TMEM217B: variants seen among roughly 807,000 people sequenced by gnomAD.
TMEM217B encodes transmembrane protein 217B.
chr6:37,226,281 C>CTT, the TMEM217B span, among the ~76,000 whole-genome samples: 258 of 74,890 alleles, frequency 3.4e-3, 63 homozygotes, highest in African/African-American at 7.7e-3. Flanking sequence ...TTGAGACAGT[C>CTT]TTTTTTTTTT....
chr6:37,224,554 C>T, the TMEM217B span, among the ~76,000 whole-genome samples: 3 of 151,632 alleles, frequency 2.0e-5, no homozygotes, highest in African/African-American at 4.8e-5. Flanking sequence ...GCCAAGATCA[C>T]ACCACTGCAC....
the TMEM217B span, among the ~76,000 whole-genome samples, chr6:37,250,400 C>T: frequency 8.5e-5 from 13 of 152,236 alleles, no homozygotes; most frequent in Admixed American, 8.5e-4. Flanking sequence ...TTTATACATT[C>T]TCTTGTGTGT....
the TMEM217B span, among the ~76,000 whole-genome samples, chr6:37,252,635 A>T: frequency 4.9e-3 from 298 of 60,300 alleles, 2 homozygotes; most frequent in African/African-American, 0.017. Flanking sequence ...ATATATATAT[A>T]TATTTTTTTT....
the TMEM217B span, among the ~76,000 whole-genome samples, chr6:37,226,262 TTTG>T: frequency 1.3e-5 from 2 of 151,060 alleles, no homozygotes; most frequent in Admixed American, 1.3e-4. Flanking sequence ...TTTGTTTTAT[TTTG>T]TTTTTTTGAG....
At chr6:37,237,289 T>C in the TMEM217B span, among the ~76,000 whole-genome samples, 11 of 152,140 alleles carry the variant, frequency 7.2e-5, no homozygotes, top group African/African-American at 2.7e-4. Context: ...GACAAGAAAA[T>C]ATTCACAAGT....
the TMEM217B span, among the ~76,000 whole-genome samples, chr6:37,225,239 A>G: frequency 6.6e-6 from 1 of 152,142 alleles, no homozygotes; most frequent in Non-Finnish European, 1.5e-5. Flanking sequence ...AGAGGATAAT[A>G]GATACAATAT....
the TMEM217B span, among the ~76,000 whole-genome samples, chr6:37,229,718 T>C: frequency 1.8e-4 from 27 of 152,366 alleles, no homozygotes; most frequent in Admixed American, 3.3e-4. Context: ...TACAGCCATC[T>C]ATAGATTTAA....
At chr6:37,214,710 C>T in the TMEM217B span, among the ~76,000 whole-genome samples, 5 of 152,222 alleles carry the variant, frequency 3.3e-5, no homozygotes, top group Non-Finnish European at 7.3e-5. Context: ...TGGCTTACTT[C>T]ACTTAGCATA....
the TMEM217B span, among the ~76,000 whole-genome samples, chr6:37,214,638 T>C: frequency 0.57 from 85,931 of 152,088 alleles, 25,698 homozygotes; most frequent in East Asian, 0.84. Flanking sequence ...TTGCTGTCTC[T>C]ATGAATTTGC....
chr6:37,242,952 T>C, the TMEM217B span, among the ~76,000 whole-genome samples: 1 of 152,176 alleles, frequency 6.6e-6, no homozygotes, highest in Non-Finnish European at 1.5e-5. Context: ...CTTCTTCTCA[T>C]GGCTCATTGG....
At chr6:37,212,733 G>A in the TMEM217B span, 1 of 671,074 alleles carries the variant, frequency 1.5e-6, no homozygotes, top group Non-Finnish European at 2.7e-6. Context: ...AGATATTCTT[G>A]TGGATACAAT....
chr6:37,220,813 A>G, the TMEM217B span, among the ~76,000 whole-genome samples: 1 of 152,208 alleles, frequency 6.6e-6, no homozygotes, highest in Non-Finnish European at 1.5e-5. Context: ...ACAAGCTGAA[A>G]CAACAGATAG....
the TMEM217B span, chr6:37,213,101 G>A: frequency 1.3e-6 from 1 of 784,326 alleles, no homozygotes; most frequent in Non-Finnish European, 2.0e-6. Context: ...AGCAATGATG[G>A]TGTGTGGACA....
the TMEM217B span, among the ~76,000 whole-genome samples, chr6:37,251,638 T>C: frequency 2.0e-5 from 3 of 152,236 alleles, no homozygotes; most frequent in African/African-American, 7.2e-5. Flanking sequence ...TACACACATA[T>C]GTAATAAAAC....
chr6:37,212,538 T>C, the TMEM217B span: 1 of 458,684 alleles, frequency 2.2e-6, no homozygotes, highest in Non-Finnish European at 4.4e-6. Context: ...AAAGGTTGTA[T>C]GCATGCTTGA....
chr6:37,232,266 C>G, the TMEM217B span, among the ~76,000 whole-genome samples: 5 of 152,206 alleles, frequency 3.3e-5, no homozygotes, highest in African/African-American at 1.2e-4. Context: ...TAGCGAAAGT[C>G]AGGAGAACTT....
the TMEM217B span, chr6:37,218,038 C>T: frequency 4.0e-6 from 4 of 996,988 alleles, no homozygotes; most frequent in Non-Finnish European, 4.8e-6. Context: ...AGGGTCTCTA[C>T]TTGCAGAACT....
chr6:37,243,172 T>C, the TMEM217B span, among the ~76,000 whole-genome samples: 2 of 152,194 alleles, frequency 1.3e-5, no homozygotes, highest in African/African-American at 2.4e-5. Context: ...CACGGAGATG[T>C]TGTCCCATTA....
At chr6:37,237,164 T>C in the TMEM217B span, among the ~76,000 whole-genome samples, 1 of 152,162 alleles carries the variant, frequency 6.6e-6, no homozygotes, top group Non-Finnish European at 1.5e-5. Context: ...GATTCTACCT[T>C]TTGTGGGAGA....
Sources: gnomAD v4.1 joint callset for allele counts (sites outside exome capture counted in the v4.1 genomes callset) on GRCh38, gnomAD v4.1.1 for gene constraint, MANE v1.5 for transcripts, NCBI Gene and HGNC (gene_info 2026-07-23, HGNC 2026-07-21) for gene names.